DIO2: variants seen among roughly 807,000 people sequenced by gnomAD.
The protein encoded by DIO2 is iodothyronine deiodinase 2.
DIO2 carries 19 observed loss-of-function variants against 21.4 expected under a neutral mutation model. The ratio of observed to expected loss-of-function variants is 0.89; its 90% CI spans 0.62 to 1.30. The LOEUF (loss-of-function observed/expected upper bound fraction) is 1.30. DIO2 is among the 50% of genes most tolerant of loss of function. DIO2 has a pLI of 0.00. For missense variants in DIO2, 302 were observed against 338.1 expected (o/e 0.89, Z 0.84); for synonymous variants, 122 against 132.9 (o/e 0.92, Z 0.57).
chr14:80,221,956 G>C (rs886897083), intron 2 of DIO2, among the ~76,000 whole-genome samples: 1 of 152,116 alleles, frequency 6.6e-6, no homozygotes, highest in African/African-American at 2.4e-5. Context: ...AGCCCAGAAA[G>C]TGATGAATGG....
intron 1 of DIO2, among the ~76,000 whole-genome samples, 179 bp from the exon 2 acceptor site, chr14:80,203,467 T>C (rs1480403980): frequency 1.3e-5 from 2 of 152,162 alleles, no homozygotes; most frequent in African/African-American, 4.8e-5. Flanking sequence ...TGGCAGGTAA[T>C]GTAAAGAATG....
chr14:80,222,973 T>C (rs1412861728), intron 2 of DIO2, among the ~76,000 whole-genome samples: 1 of 151,790 alleles, frequency 6.6e-6, no homozygotes, highest in Non-Finnish European at 1.5e-5. Flanking sequence ...GCAATCCTCC[T>C]GCCTCAGCCT....
intron 2 of DIO2, among the ~76,000 whole-genome samples, chr14:80,228,195 T>C (rs1220859029): frequency 2.6e-5 from 4 of 152,082 alleles, no homozygotes; most frequent in Non-Finnish European, 5.9e-5. Flanking sequence ...AGCCAGAGAG[T>C]TGATATACCC....
chr14:80,219,817 T>C (rs1280281931), intron 2 of DIO2, among the ~76,000 whole-genome samples: 1 of 152,160 alleles, frequency 6.6e-6, no homozygotes, highest in Non-Finnish European at 1.5e-5. Flanking sequence ...AAATACAGTA[T>C]TACAAAATGA....
At chr14:80,225,014 A>G (rs1888543425) in intron 2 of DIO2, among the ~76,000 whole-genome samples, 1 of 152,150 alleles carries the variant, frequency 6.6e-6, no homozygotes, top group Non-Finnish European at 1.5e-5. Flanking sequence ...AGCACAGGAG[A>G]AAGATGTAGT....
At chr14:80,219,022 T>A (rs1247235137) in intron 2 of DIO2, among the ~76,000 whole-genome samples, 2 of 152,274 alleles carry the variant, frequency 1.3e-5, no homozygotes, top group Non-Finnish European at 2.9e-5. Context: ...ATACTTTGGG[T>A]ACTACTTTGC....
At chr14:80,220,553 T>A (rs1888446513) in intron 2 of DIO2, among the ~76,000 whole-genome samples, 1 of 152,216 alleles carries the variant, frequency 6.6e-6, no homozygotes, top group Non-Finnish European at 1.5e-5. Context: ...TAAAACATGC[T>A]GACATTCCAA....
At chr14:80,205,787 G>T in intron 1 of DIO2, 1 of 1,132,260 alleles carries the variant, frequency 8.8e-7, no homozygotes, top group Non-Finnish European at 1.1e-6. Flanking sequence ...TCTTTATGGG[G>T]GGGATTTAGC....
chr14:80,227,909 A>G (rs539505883), intron 2 of DIO2, among the ~76,000 whole-genome samples: 1 of 152,338 alleles, frequency 6.6e-6, no homozygotes, highest in South Asian at 2.1e-4. Context: ...GAGGGGCCAA[A>G]TGCAGCAACT....
Position 80,202,693 on chromosome 14 carries a change from C to A in DIO2, c.818G>T (p.Gly273Val). The change falls in exon 2 of 2, where the codon GGT becomes GTT. Residue 273 changes from glycine to valine, a missense_variant. By Grantham distance (109) the Gly-to-Val change is moderately radical. Transcript: ENST00000438257. ...AGCTCTCTTATAATCATACCTTTAACCAGCTAATCTAGTTTTCTTTCATCT... is the reference window on the plus strand; with the variant it reads ...AGCTCTCTTATAATCATACCTTTAAACAGCTAATCTAGTTTTCTTTCATCT... ...SKRUKKTRLA[G>V] 1 of 1,609,882 alleles carries A rather than the reference C, an allele frequency of 6.2e-7. No homozygotes were observed. Among genetic ancestry groups the A allele is most frequent in the African/African-American group, 1.3e-5 (1 of 74,970 alleles).
chr14:80,211,349 T>G lies in DIO2; in HGVS notation c.124A>C (p.Ser42Arg). ...ILLKHVVLLL[S>R]RSKSTRGEWR... is the part of the protein sequence containing the mutation. ...TCTCCGCGAGTGGACTTGGAGCGGC[T>G]CAACAGCAGCACCACGTGCTTGAGC... The change falls in exon 1 of 2, where the codon AGC (serine) becomes CGC (arginine). Residue 42 changes from serine to arginine, a missense_variant. Coordinates refer to ENST00000438257, the MANE Select transcript of DIO2 (RefSeq NM_013989.5). The G allele has an allele frequency of 6.2e-7, 1 of 1,613,572 alleles. No homozygotes were observed. Among genetic ancestry groups the G allele is most frequent in the South Asian group, 1.1e-5 (1 of 91,046 alleles).
At chr14:80,230,758 A>G (rs1888670444) in intron 2 of DIO2, 1 of 152,226 alleles carries the variant, frequency 6.6e-6, no homozygotes, top group African/African-American at 2.4e-5. Context: ...CTAACTCTAG[A>G]AACCCTAAAA....
At chr14:80,205,193 T>G (rs1248198097) in intron 1 of DIO2, among the ~76,000 whole-genome samples, 1 of 152,164 alleles carries the variant, frequency 6.6e-6, no homozygotes, top group Non-Finnish European at 1.5e-5. Flanking sequence ...GTTCTTTTTG[T>G]ACTTCTTTTT....
Position 80,211,245 on chromosome 14 carries a change from G to T in DIO2, c.222+6C>A. 1.2e-6 allele frequency: 2 copies of T among 1,607,180 alleles called. No individual in the cohort carries two copies. The highest frequency in any genetic ancestry group is 8.5e-7 in the Non-Finnish European group (1 of 1,178,962). ...CTAGGGAGAAGCCCTTCTCAGCTCA[G>T]CTCACCTGTTTGTAGGCATCGAGGA... On this transcript the variant is annotated splice_donor_region_variant and intron_variant, in intron 1 of 1. Transcript: ENST00000438257.
chr14:80,211,186 G>C (rs1888172521), intron 1 of DIO2, 65 bp downstream of exon 1: 20 of 1,489,878 alleles, frequency 1.3e-5, no homozygotes, highest in Admixed American at 1.8e-5. Flanking sequence ...AATGGCCTCT[G>C]GTCCCCAGCA....
Position 80,202,693 on chromosome 14 carries a change from C to T in DIO2, c.818G>A (p.Gly273Asp), listed in dbSNP as rs1426384352. The T allele has an allele frequency of 1.9e-6, 3 of 1,609,882 alleles. No homozygotes were observed. Among genetic ancestry groups the T allele is most frequent in the Non-Finnish European group, 2.5e-6 (3 of 1,177,722 alleles). ...SKRUKKTRLA[G>D] Reference sequence around the variant, plus strand: ...AGCTCTCTTATAATCATACCTTTAACCAGCTAATCTAGTTTTCTTTCATCT... The same window carrying T: ...AGCTCTCTTATAATCATACCTTTAATCAGCTAATCTAGTTTTCTTTCATCT... The change falls in exon 2 of 2, where the codon GGT becomes GAT. Residue 273 changes from glycine (G) to aspartate (D), a missense_variant. Physicochemically the swap from Gly to Asp is moderately conservative, Grantham distance 94 (BLOSUM62 -1). Coordinates refer to ENST00000438257, the MANE Select transcript of DIO2 (RefSeq NM_013989.5).
At chr14:80,212,497 C>G (rs889934954), upstream of DIO2, among the ~76,000 whole-genome samples, 2 of 152,024 alleles carry the variant, frequency 1.3e-5, no homozygotes, top group Admixed American at 1.3e-4. Flanking sequence ...AACACTCTCT[C>G]TTCTGATTAT....
chr14:80,220,832 G>A (rs988923760), intron 2 of DIO2, among the ~76,000 whole-genome samples: 3 of 152,148 alleles, frequency 2.0e-5, no homozygotes, highest in Admixed American at 6.5e-5. Context: ...AGACTTTGAG[G>A]ATGTTTACTG....
Position 80,203,311 on chromosome 14 carries a change from A to AG in DIO2, c.223-24dup, listed in dbSNP as rs374218011. On this transcript the variant is annotated intron_variant, in intron 1 of 1. Coordinates refer to ENST00000438257, the MANE Select transcript of DIO2 (RefSeq NM_013989.5). ...CACCTGACGGTAAAAAAAAAAAAAA[A>AG]GAAGAAGAAGAAGAAGGTGAGAATA... The AG allele has an allele frequency of 2.4e-5, 29 of 1,191,970 alleles. No individual in the cohort carries two copies. The South Asian group carries it at 4.2e-4, about 17-fold the overall frequency. The allele number at this position is 1,191,970 out of a possible 1,614,324, so 73.8% of individuals were successfully genotyped here.
Sources: gnomAD v4.1 joint callset for allele counts (sites outside exome capture counted in the v4.1 genomes callset) on GRCh38, gnomAD v4.1.1 for gene constraint, MANE v1.5 for transcripts, NCBI Gene and HGNC (gene_info 2026-07-23, HGNC 2026-07-21) for gene names.